The following OSBPL10 variants were observed in gnomAD, a reference collection of about 807,000 sequenced individuals.
The protein encoded by OSBPL10 is oxysterol binding protein like 10, also known as oxysterol-binding protein-related protein 10.
OSBPL10 carries 49 observed loss-of-function variants against 81.7 expected under a neutral mutation model. The observed-to-expected ratio is 0.60, with a 90% CI of 0.48 to 0.76. The LOEUF is 0.76. OSBPL10 is among the 30% of genes least tolerant of loss of function. The pLI is 0.00. For missense variants in OSBPL10, 923 were observed against 987.8 expected (o/e 0.93, Z 0.88); for synonymous variants, 419 against 383.6 (o/e 1.09, Z -1.08).
At chr3:31,707,163 C>G (rs558411112) in intron 6 of OSBPL10, 61 of 152,324 alleles carry the variant, frequency 4.0e-4, no homozygotes, top group African/African-American at 1.4e-3. Context: ...ATTACCTAAC[C>G]ATTAAAGATG....
At chr3:31,952,830 C>T (rs1697905935) in intron 1 of OSBPL10, among the ~76,000 whole-genome samples, 1 of 151,948 alleles carries the variant, frequency 6.6e-6, no homozygotes, top group Non-Finnish European at 1.5e-5. Context: ...AGGTACTAAT[C>T]AGTGACTTTA....
chr3:31,712,238 T>G (rs1696278966), intron 6 of OSBPL10, among the ~76,000 whole-genome samples: 2 of 152,320 alleles, frequency 1.3e-5, no homozygotes, highest in South Asian at 4.1e-4. Flanking sequence ...TTCAGCCTTC[T>G]CCCCTGAACT....
chr3:31,812,818 G>GAGAGAAAGAGAA (rs1699740661), intron 4 of OSBPL10, among the ~76,000 whole-genome samples: 1 of 25,902 alleles, frequency 3.9e-5, no homozygotes, highest in Non-Finnish European at 7.1e-5. Context: ...AAGAAAGAAA[G>GAGAGAAAGAGAA]AGAAAGAAAG....
intron 10 of OSBPL10, among the ~76,000 whole-genome samples, chr3:31,666,818 T>A (rs556633143): frequency 1.3e-5 from 2 of 152,222 alleles, no homozygotes; most frequent in Non-Finnish European, 2.9e-5. Context: ...ATAAAAGTTA[T>A]GTGAATGTAT....
At chr3:31,736,218 AC>A (rs1464235786) in intron 5 of OSBPL10, among the ~76,000 whole-genome samples, 1 of 152,218 alleles carries the variant, frequency 6.6e-6, no homozygotes, top group Non-Finnish European at 1.5e-5. Context: ...GTGAATGCAC[AC>A]ATAAAATGTG....
intron 4 of OSBPL10, among the ~76,000 whole-genome samples, chr3:31,806,889 C>T (rs1699534702): frequency 6.6e-6 from 1 of 152,010 alleles, no homozygotes; most frequent in African/African-American, 2.4e-5. Context: ...CAGCAGACCT[C>T]CTATCCAGCC....
chr3:31,997,758 C>T (rs1356980994), intron 2 of OSBPL10, among the ~76,000 whole-genome samples: 1 of 151,956 alleles, frequency 6.6e-6, no homozygotes, highest in Non-Finnish European at 1.5e-5. Flanking sequence ...CAACTTGCCT[C>T]GCTGAGCCTC....
chr3:32,072,723 G>A (rs1299355374), intron 1 of OSBPL10, among the ~76,000 whole-genome samples: 2 of 152,082 alleles, frequency 1.3e-5, no homozygotes, highest in African/African-American at 4.8e-5. Flanking sequence ...CCTCGCCCAG[G>A]AGTGGCAAAT....
intron 3 of OSBPL10, among the ~76,000 whole-genome samples, chr3:31,873,044 G>T (rs1701370385): frequency 6.6e-6 from 1 of 152,220 alleles, no homozygotes; most frequent in Non-Finnish European, 1.5e-5. Context: ...GCCAGTTGCA[G>T]AGGGGTCAGC....
chr3:31,960,161 T>C (rs1698120145), intron 1 of OSBPL10: 1 of 152,212 alleles, frequency 6.6e-6, no homozygotes, highest in African/African-American at 2.4e-5. Context: ...TTCCCTGATC[T>C]TGAAGCAGCT....
At chr3:31,953,076 C>T (rs530017003) in intron 1 of OSBPL10, among the ~76,000 whole-genome samples, 88 of 151,510 alleles carry the variant, frequency 5.8e-4, no homozygotes, top group Non-Finnish European at 1.1e-3. Flanking sequence ...GGATTACAGG[C>T]GCCCACCACC....
chr3:31,986,101 T>C (rs577204359), upstream of OSBPL10: 8 of 152,358 alleles, frequency 5.3e-5, no homozygotes, highest in Admixed American at 4.6e-4. Flanking sequence ...TGGAATTCCA[T>C]TTCCTGTTAT....
At chr3:31,961,697 C>CTCA (rs990476136) in intron 1 of OSBPL10, among the ~76,000 whole-genome samples, 1 of 151,976 alleles carries the variant, frequency 6.6e-6, no homozygotes, top group African/African-American at 2.4e-5. Context: ...AACTCCTGGG[C>CTCA]TCAAGCCATC....
At chr3:31,780,499 A>T (rs1559461820) in intron 4 of OSBPL10, among the ~76,000 whole-genome samples, 1 of 152,090 alleles carries the variant, frequency 6.6e-6, no homozygotes, top group Non-Finnish European at 1.5e-5. Context: ...TGAAAAAAAA[A>T]ATACAAAAAA....
At chr3:31,963,843 T>C (rs1034551383) in intron 1 of OSBPL10, among the ~76,000 whole-genome samples, 2 of 151,966 alleles carry the variant, frequency 1.3e-5, no homozygotes, top group Non-Finnish European at 2.9e-5. Flanking sequence ...CAATTAGATT[T>C]TTTTTTTTTA....
intron 3 of OSBPL10, among the ~76,000 whole-genome samples, chr3:31,872,138 C>T (rs1207175313): frequency 1.3e-5 from 2 of 152,170 alleles, no homozygotes; most frequent in Non-Finnish European, 2.9e-5. Flanking sequence ...CAAGTAACAC[C>T]GGAAACCACA....
At chr3:31,952,656 T>C (rs376029345) in intron 1 of OSBPL10, among the ~76,000 whole-genome samples, 1 of 152,182 alleles carries the variant, frequency 6.6e-6, no homozygotes, top group African/African-American at 2.4e-5. Context: ...GAACACAGAA[T>C]AGTAGGAAGG....
chr3:31,891,778 C>T (rs1363276879), intron 1 of OSBPL10, among the ~76,000 whole-genome samples: 1 of 152,150 alleles, frequency 6.6e-6, no homozygotes, highest in Non-Finnish European at 1.5e-5. Context: ...ATGAATAAAG[C>T]ACTCTGGATA....
chr3:31,812,466 G>A (rs1699705403), intron 4 of OSBPL10, among the ~76,000 whole-genome samples: 1 of 152,128 alleles, frequency 6.6e-6, no homozygotes, highest in Non-Finnish European at 1.5e-5. Context: ...AAGAATTTAA[G>A]ACAACTGTGA....
Sources: allele counts gnomAD v4.1 joint callset (sites outside exome capture counted in the v4.1 genomes callset), GRCh38; gene constraint gnomAD v4.1.1; transcripts MANE v1.5; gene names NCBI Gene and HGNC (gene_info 2026-07-23, HGNC 2026-07-21).